ADAMTSL1: variants seen among roughly 807,000 people sequenced by gnomAD.
The protein encoded by ADAMTSL1 is ADAMTS like 1.
ADAMTSL1 carries 126 observed loss-of-function variants against 201.8 expected under a neutral mutation model. The observed-to-expected ratio is 0.62, with a 90% CI of 0.54 to 0.72. The LOEUF is 0.72. Ranked by LOEUF, ADAMTSL1 falls within the 30% of genes least tolerant of loss-of-function variation. The pLI is 0.00. For synonymous variants in ADAMTSL1, 1,121 were observed against 903.4 expected, an observed-to-expected ratio of 1.24 and a Z score of -4.32; for missense variants, 2,679 against 2,277.8, an observed-to-expected ratio of 1.18 and a Z score of -3.59.
At chr9:18,555,549 T>C (rs1821054301) in intron 3 of ADAMTSL1, among the ~76,000 whole-genome samples, 2 of 151,954 alleles carry the variant, frequency 1.3e-5, no homozygotes, top group Admixed American at 1.3e-4. Context: ...GACGAGGCCC[T>C]TGGGTTTTCA....
chr9:18,650,383 AGC>A (rs1202349801), intron 7 of ADAMTSL1, among the ~76,000 whole-genome samples: 48 of 152,124 alleles, frequency 3.2e-4, no homozygotes, highest in Admixed American at 3.1e-3. Context: ...GCTCGTGCAC[AGC>A]GCGCTGCACC....
At chr9:18,290,966 A>G (rs1280372920) in intron 2 of ADAMTSL1, among the ~76,000 whole-genome samples, 1 of 152,032 alleles carries the variant, frequency 6.6e-6, no homozygotes, top group East Asian at 1.9e-4. Context: ...TATATTTAGT[A>G]GAGTCGGGGT....
chr9:18,892,990 G>C (rs1829385612), intron 26 of ADAMTSL1, among the ~76,000 whole-genome samples: 1 of 151,534 alleles, frequency 6.6e-6, no homozygotes, highest in African/African-American at 2.4e-5. Flanking sequence ...TTTGGCCATA[G>C]AGTTCACGTT....
intron 1 of ADAMTSL1, among the ~76,000 whole-genome samples, chr9:18,062,351 A>G (rs967232545): frequency 6.6e-6 from 1 of 152,192 alleles, no homozygotes; most frequent in African/African-American, 2.4e-5. Context: ...AAACATTAAA[A>G]TAGTTTGCAG....
chr9:18,853,895 G>C lies in ADAMTSL1; in HGVS notation c.4249+23918G>C, dbSNP rs980710194. 3.7e-4 allele frequency among the ~76,000 whole-genome samples: 42 copies of C among 112,714 alleles called. No homozygotes were observed. In the South Asian group the frequency reaches 0.012, roughly 33 times the overall value. 73.9% of individuals were successfully genotyped at this position (112,714 alleles called of 152,430 possible). On this transcript the variant is annotated intron_variant, in intron 23 of 28. Coordinates refer to ENST00000380548, the MANE Select transcript of ADAMTSL1 (RefSeq NM_001040272.6). ...GTCTACTTGTATTCACTCTCTGTGT[G>C]TGTGTGTGTGTGTGTGTGTGTGTGC... is the stretch of plus-strand genomic sequence containing the variant.
At chr9:18,837,489 A>C (rs1337716762) in intron 23 of ADAMTSL1, among the ~76,000 whole-genome samples, 1 of 152,202 alleles carries the variant, frequency 6.6e-6, no homozygotes, top group Non-Finnish European at 1.5e-5. Context: ...TTAATGCCCT[A>C]TAAATCATAA....
chr9:18,254,462 A>G (rs1295851873), intron 2 of ADAMTSL1, among the ~76,000 whole-genome samples: 1 of 135,142 alleles, frequency 7.4e-6, no homozygotes, highest in African/African-American at 2.8e-5. Flanking sequence ...TCCCGGGTTC[A>G]CGCCGTTCTC....
rs1158369595 is a variant in ADAMTSL1 at position 18,318,851 on chromosome 9, G to A, written c.207+154870G>A. Among the ~76,000 whole-genome samples, 6 of 152,142 alleles carry A rather than the reference G, an allele frequency of 3.9e-5. No homozygotes were observed. In the East Asian group the frequency reaches 1.2e-3, roughly 29 times the overall value. ...TATTATATGCCAAGCTGTATGCCAA[G>A]TGCTTTTATAGATATAATTTTATTT... On this transcript the variant is annotated intron_variant, in intron 2 of 29. Transcript: ENST00000680146.
intron 2 of ADAMTSL1, among the ~76,000 whole-genome samples, chr9:18,243,204 A>G (rs910100360): frequency 2.5e-4 from 38 of 152,192 alleles, no homozygotes; most frequent in African/African-American, 8.9e-4. Context: ...AATTTTTGAC[A>G]AGGGAACCAA....
intron 1 of ADAMTSL1, among the ~76,000 whole-genome samples, chr9:18,009,991 G>A (rs535954130): frequency 2.6e-5 from 4 of 152,012 alleles, no homozygotes; most frequent in Admixed American, 1.3e-4. Context: ...AAGAAACTTC[G>A]AACCCATGCA....
chr9:18,646,801 T>C (rs1022360398), intron 7 of ADAMTSL1, among the ~76,000 whole-genome samples: 2 of 152,140 alleles, frequency 1.3e-5, no homozygotes, highest in African/African-American at 2.4e-5. Context: ...CAGTATTTTA[T>C]TGAGGATTTT....
intron 3 of ADAMTSL1, among the ~76,000 whole-genome samples, chr9:18,541,064 T>C (rs1013923587): frequency 6.6e-5 from 10 of 152,226 alleles, no homozygotes; most frequent in Admixed American, 5.2e-4. Context: ...AGATAGACAT[T>C]GCTCTCATGT....
intron 2 of ADAMTSL1, among the ~76,000 whole-genome samples, chr9:18,425,416 T>C (rs915591407): frequency 1.3e-5 from 2 of 152,234 alleles, no homozygotes; most frequent in Non-Finnish European, 1.5e-5. Context: ...AGCAAAAATA[T>C]ACCCTCTCCC....
chr9:18,648,964 A>G (rs1248647016), intron 7 of ADAMTSL1, among the ~76,000 whole-genome samples: 1 of 152,148 alleles, frequency 6.6e-6, no homozygotes, highest in Admixed American at 6.5e-5. Context: ...GTTCTCCTGG[A>G]TAATATCCTG....
At chr9:18,431,834 C>T (rs1254160487) in intron 2 of ADAMTSL1, among the ~76,000 whole-genome samples, 3 of 152,122 alleles carry the variant, frequency 2.0e-5, no homozygotes, top group African/African-American at 7.2e-5. Flanking sequence ...GAGCATGGTA[C>T]TCATATGACC....
At chr9:18,366,608 A>T (rs1836778461) in intron 2 of ADAMTSL1, among the ~76,000 whole-genome samples, 1 of 144,252 alleles carries the variant, frequency 6.9e-6, no homozygotes, top group South Asian at 2.3e-4. Context: ...TTAAATGGAT[A>T]GTGCCTCTGA....
rs1008902897 is a variant in ADAMTSL1 at position 18,884,258 on chromosome 9, C to A, written c.4250-3573C>A. Among the ~76,000 whole-genome samples, 8 of 152,098 alleles carry A rather than the reference C, an allele frequency of 5.3e-5. No homozygotes were observed. In the East Asian group the frequency reaches 1.5e-3, roughly 29 times the overall value. On this transcript the variant is annotated intron_variant, in intron 23 of 28. Transcript: ENST00000380548. ...GTCCTTTGCTTATTTGGGCATTTGC[C>A]TGAACCGGGTTGTTTGTTAGTTATC... is the stretch of plus-strand genomic sequence containing the variant.
chr9:18,282,174 C>G (rs547752952), intron 2 of ADAMTSL1, among the ~76,000 whole-genome samples: 2 of 152,270 alleles, frequency 1.3e-5, no homozygotes, highest in African/African-American at 4.8e-5. Flanking sequence ...TGTTGGTTCT[C>G]TGTTTCTGTG....
chr9:18,553,605 A>C (rs2096067), intron 3 of ADAMTSL1, among the ~76,000 whole-genome samples: 28,429 of 151,728 alleles, frequency 0.19, 3,036 homozygotes, highest in East Asian at 0.51. Flanking sequence ...GTGAGGGTTC[A>C]TTAGAAGTGA....
Sources: allele counts gnomAD v4.1 joint callset (sites outside exome capture counted in the v4.1 genomes callset), GRCh38; gene constraint gnomAD v4.1.1; transcripts MANE v1.5; gene names NCBI Gene and HGNC (gene_info 2026-07-23, HGNC 2026-07-21).